The following TNKS1BP1 variants were observed in gnomAD, a reference collection of about 807,000 sequenced individuals.
The protein encoded by TNKS1BP1 is CCR4-NOT transcription complex subunit 12, also known as 182 kDa tankyrase-1-binding protein.
In TNKS1BP1, 48 loss-of-function variants were observed where a neutral mutation model predicts 141.1. The ratio of observed to expected loss-of-function variants is 0.34; its 90% confidence interval spans 0.27 to 0.43. The LOEUF (loss-of-function observed/expected upper bound fraction) is 0.43. Ranked by LOEUF, TNKS1BP1 falls within the 20% of genes least tolerant of loss-of-function variation. TNKS1BP1 has a pLI of 1.00. For missense variants in TNKS1BP1, 2,149 were observed against 2,226.0 expected (o/e 0.97, Z 0.70); for synonymous variants, 875 against 898.2 (o/e 0.97, Z 0.46).
At chr11:57,305,522 T>C (rs929636730) in intron 6 of TNKS1BP1, among the ~76,000 whole-genome samples, 4 of 152,140 alleles carry the variant, frequency 2.6e-5, no homozygotes, top group African/African-American at 9.7e-5. Context: ...GCGCTGGAAC[T>C]ACAAAACGTG....
chr11:57,316,615 CTCTA>C (rs1456536065), intron 4 of TNKS1BP1, among the ~76,000 whole-genome samples: 2 of 152,178 alleles, frequency 1.3e-5, no homozygotes, highest in Non-Finnish European at 2.9e-5. Flanking sequence ...ATTCTGTGCT[CTCTA>C]TCTATCTGAA....
intron 1 of TNKS1BP1, chr11:57,322,338 C>T (rs1190990841): frequency 1.0e-6 from 1 of 987,264 alleles, no homozygotes; most frequent in Non-Finnish European, 1.2e-6. Flanking sequence ...TGAATCACCT[C>T]ACGGGAGACG....
Position 57,309,978 on chromosome 11 carries a change from C to T in TNKS1BP1, c.2733G>A (p.Lys911=). The change falls in exon 6 of 12, where the codon AAG becomes AAA. Residue 911 remains lysine (K), a synonymous_variant. Transcript: ENST00000358252. The surrounding 1 kb of genome is among the most constrained non-coding windows in gnomAD (Gnocchi z 4.3). The stretch of plus-strand genomic sequence containing the variant: ...TGCTGTACCTACCATGGTGGTCCCT[C>T]TTCCCCAAATCTTGGCCCTGCTCGT... ...DANEQGQDLG[K]RDHHGRYSSQ... 1 of 1,614,092 alleles carries T rather than the reference C, an allele frequency of 6.2e-7. No individual in the cohort carries two copies. Among genetic ancestry groups the T allele is most frequent in the Non-Finnish European group, 8.5e-7 (1 of 1,179,938 alleles).
chr11:57,306,297 G>C (rs1049043053), intron 6 of TNKS1BP1, among the ~76,000 whole-genome samples: 1 of 106,932 alleles, frequency 9.4e-6, no homozygotes, highest in Non-Finnish European at 1.9e-5. Context: ...AAAAAAAAAA[G>C]AGAAAGTGCC....
chr11:57,315,085 AGATGCGACC>A (rs1230966788), intron 4 of TNKS1BP1, among the ~76,000 whole-genome samples: 2 of 152,118 alleles, frequency 1.3e-5, no homozygotes, highest in African/African-American at 4.8e-5. Context: ...CTCCATAGCC[AGATGCGACC>A]CTTCCAGCCT....
rs762993670 is a variant in TNKS1BP1, at chr11:57,309,214, C to T, written c.3497G>A (p.Gly1166Asp). ...AGSVDWTDQL[G>D]LRNLEVSSCV... ...GCTGGACACTTCCAAGTTCCTGAGA[C>T]CCAGCTGGTCAGTCCAGTCCACCGA... The change falls in exon 6 of 12, where the codon GGT becomes GAT. Residue 1166 changes from glycine to aspartate, a missense_variant. Coordinates refer to ENST00000358252, the MANE Select transcript of TNKS1BP1 (RefSeq NM_033396.3). This position sits in a 1 kb window ranked among gnomAD's most constrained non-coding sequence, Gnocchi z 4.3. The T allele has an allele frequency of 1.9e-6, 3 of 1,614,194 alleles. No homozygotes were observed. The highest frequency in any genetic ancestry group is 3.3e-5 in the Admixed American group (2 of 60,026).
intron 4 of TNKS1BP1, 145 bp from the exon 5 acceptor site, chr11:57,314,034 C>G: frequency 1.0e-6 from 1 of 977,806 alleles, no homozygotes; most frequent in Non-Finnish European, 1.4e-6. Context: ...CTTGGGATAG[C>G]TGGGAGGGGC....
Position 57,302,207 on chromosome 11 carries a change from G to A in TNKS1BP1, c.4701C>T (p.Asp1567=). The A allele has an allele frequency of 1.2e-6, 2 of 1,612,232 alleles. No homozygotes were observed. Among genetic ancestry groups the A allele is most frequent in the South Asian group, 1.1e-5 (1 of 91,064 alleles). The stretch of plus-strand genomic sequence containing the variant: ...TGGCACGGCTCCGATACATGGCACT[G>A]TCGAGGATCTCGGTGTCCTGCTTGG... ...FSFIEDTEIL[D]SAMYRSRANL... The change falls in exon 8 of 12, where the codon GAC becomes GAT. Residue 1567 remains aspartate, a synonymous_variant. Coordinates refer to ENST00000358252, the MANE Select transcript of TNKS1BP1 (RefSeq NM_033396.3). The surrounding 1 kb of genome is among the most constrained non-coding windows in gnomAD (Gnocchi z 5.5).
At chr11:57,303,010 C>T in intron 6 of TNKS1BP1, 185 bp from the exon 7 acceptor site, 1 of 661,178 alleles carries the variant, frequency 1.5e-6, no homozygotes, top group Non-Finnish European at 2.3e-6. Context: ...AAGAGCTGAG[C>T]CAGTCTGGCA....
At chr11:57,300,434 G>C in intron 11 of TNKS1BP1, 94 bp downstream of exon 11, 1 of 1,132,350 alleles carries the variant, frequency 8.8e-7, no homozygotes, top group Non-Finnish European at 1.3e-6. Context: ...ACAGAAAGGG[G>C]TGGGAGCTAA....
At position 57,310,567 on chromosome 11, in the gene TNKS1BP1, G is replaced by GAA. The variant is rs199973948; in HGVS notation, c.2155-13_2155-12dup. 7 of 1,551,244 alleles carry GAA rather than the reference G, an allele frequency of 4.5e-6. No individual in the cohort carries two copies. The African/African-American group carries it at 6.9e-5, about 15-fold the overall frequency. ...CCAGCCAAGGAGTCCCTGGGAATAA[G>GAA]AAAAAAAAACAGACAAAGAAACAAC... On this transcript the variant is annotated splice_polypyrimidine_tract_variant and intron_variant, in intron 5 of 11. Coordinates refer to ENST00000358252, the MANE Select transcript of TNKS1BP1 (RefSeq NM_033396.3).
In TNKS1BP1 at chr11:57,309,749, G is replaced by A; in HGVS notation, c.2962C>T (p.Pro988Ser). 1 of 1,614,180 alleles carries A rather than the reference G, an allele frequency of 6.2e-7. No individual in the cohort carries two copies. The highest frequency in any genetic ancestry group is 8.5e-7 in the Non-Finnish European group (1 of 1,180,042). The change falls in exon 6 of 12, where the codon CCC becomes TCC. Residue 988 changes from proline (P) to serine (S), a missense_variant. Coordinates refer to ENST00000358252, the MANE Select transcript of TNKS1BP1 (RefSeq NM_033396.3). This position sits in a 1 kb window ranked among gnomAD's most constrained non-coding sequence, Gnocchi z 4.3. ...GTRPLSSGFS[P>S]EEAQQQDEEF... is the part of the protein sequence containing the mutation. ...TCATCCTGTTGCTGGGCTTCCTCGGGGCTGAACCCAGAGCTCAGGGGTCTC... is the reference window on the plus strand; with the variant it reads ...TCATCCTGTTGCTGGGCTTCCTCGGAGCTGAACCCAGAGCTCAGGGGTCTC...
intron 3 of TNKS1BP1, 42 bp from the exon 4 acceptor site, chr11:57,317,929 G>C (rs755345771): frequency 1.3e-5 from 21 of 1,591,280 alleles, no homozygotes; most frequent in African/African-American, 9.4e-5. Flanking sequence ...CGGAATGTTA[G>C]AGTCTGTCAC....
chr11:57,305,529 C>T (rs1855596093), intron 6 of TNKS1BP1, among the ~76,000 whole-genome samples: 2 of 152,052 alleles, frequency 1.3e-5, no homozygotes, highest in African/African-American at 4.8e-5. Context: ...AACTACAAAA[C>T]GTGAATATCC....
chr11:57,303,145 C>T, intron 6 of TNKS1BP1: 1 of 300,362 alleles, frequency 3.3e-6, no homozygotes, highest in Non-Finnish European at 6.1e-6. Flanking sequence ...TCCTGGTCAG[C>T]ACGCACCGCA....
Position 57,309,727 on chromosome 11 carries a change from T to A in TNKS1BP1, c.2984A>T (p.Asp995Val), listed in dbSNP as rs769847910. The change falls in exon 6 of 12, where the codon GAT (aspartate) becomes GTT (valine). Residue 995 changes from aspartate to valine, a missense_variant. Physicochemically the swap from Asp to Val is radical, Grantham distance 152 (BLOSUM62 -3). Transcript: ENST00000358252. This position sits in a 1 kb window ranked among gnomAD's most constrained non-coding sequence, Gnocchi z 4.3. The stretch of plus-strand genomic sequence containing the variant: ...TGGAATCTTCTTCTCAAATTCCTCA[T>A]CCTGTTGCTGGGCTTCCTCGGGGCT... ...GFSPEEAQQQ[D>V]EEFEKKIPSV... The A allele has an allele frequency of 2.5e-6, 4 of 1,614,084 alleles. No individual in the cohort carries two copies. Among genetic ancestry groups the A allele is most frequent in the Non-Finnish European group, 3.4e-6 (4 of 1,180,032 alleles).
At chr11:57,317,490 G>A (rs1243369179) in intron 4 of TNKS1BP1, among the ~76,000 whole-genome samples, 1 of 152,228 alleles carries the variant, frequency 6.6e-6, no homozygotes, top group African/African-American at 2.4e-5. Flanking sequence ...AGGTCTACTA[G>A]CCAGAGTTAT....
At chr11:57,322,046 T>C in intron 1 of TNKS1BP1, 96 bp from the exon 2 acceptor site, 1 of 692,826 alleles carries the variant, frequency 1.4e-6, no homozygotes, top group Non-Finnish European at 1.9e-6. Context: ...AGGCAGAGTG[T>C]GGGACAGGAA....
In TNKS1BP1 at chr11:57,312,498, C is replaced by A. The variant is rs191681937; in HGVS notation, c.2154+36G>T. 2.3e-4 allele frequency: 329 copies of A among 1,429,024 alleles called. No homozygotes were observed. The African/African-American group carries it at 3.9e-3, about 17-fold the overall frequency. 88.5% of individuals were successfully genotyped at this position (1,429,024 alleles called of 1,614,324 possible). A position where few individuals can be genotyped will look rare whatever the true frequency, so the allele number is the denominator to read the frequency against. The stretch of plus-strand genomic sequence containing the variant: ...AGCCCACCCAAGCCCTGGCCTCTGT[C>A]CCCAGAAGTCCCATTCTCCCTATGC... On this transcript the variant is annotated intron_variant, in intron 5 of 11. Coordinates refer to ENST00000358252, the MANE Select transcript of TNKS1BP1 (RefSeq NM_033396.3).
Sources: allele counts gnomAD v4.1 joint callset (sites outside exome capture counted in the v4.1 genomes callset), GRCh38; gene constraint gnomAD v4.1.1; non-coding constraint Gnocchi (gnomAD v3.1); transcripts MANE v1.5; gene names NCBI Gene and HGNC (gene_info 2026-07-23, HGNC 2026-07-21).